The following AGAP1 variants were observed in gnomAD, a reference collection of about 807,000 sequenced individuals.
AGAP1 encodes arf-GAP with GTPase, ANK repeat and PH domain-containing protein 1.
In AGAP1, 29 loss-of-function variants were observed where a neutral mutation model predicts 105.3. The ratio of observed to expected loss-of-function variants is 0.28; its 90% CI spans 0.21 to 0.38. The LOEUF (loss-of-function observed/expected upper bound fraction) is 0.38, where lower values mean the gene tolerates loss of function less well. Ranked by LOEUF, AGAP1 falls within the 10% of genes least tolerant of loss-of-function variation. The pLI is 1.00. For synonymous variants in AGAP1, 509 were observed against 485.9 expected, an observed-to-expected ratio of 1.05 and a Z score of -0.63; for missense variants, 998 against 1,165.1, an observed-to-expected ratio of 0.86 and a Z score of 2.09.
At chr2:235,945,862 G>C (rs1479626465) in intron 12 of AGAP1, among the ~76,000 whole-genome samples, 1 of 150,478 alleles carries the variant, frequency 6.6e-6, no homozygotes, top group African/African-American at 2.5e-5. Context: ...GCAGAAGGCA[G>C]AGGGGGAGCC....
chr2:235,898,340 C>A (rs1339582065), intron 10 of AGAP1, among the ~76,000 whole-genome samples: 1 of 151,554 alleles, frequency 6.6e-6, no homozygotes, highest in East Asian at 1.9e-4. Context: ...TGTTTTGCAT[C>A]TTTTCCAGAC....
rs2049732763 is a variant in AGAP1, at chr2:235,876,481, C to T, written c.1051-6864C>T. Among the ~76,000 whole-genome samples, 3 of 152,234 alleles carry T rather than the reference C, an allele frequency of 2.0e-5. No homozygotes were observed. The South Asian group carries it at 6.2e-4, about 31-fold the overall frequency. ...CTCATGGCTCCTCCCCAGCCACCCT[C>T]CGTCTCCCGGACTTCCTCCTTGAAC... is the stretch of plus-strand genomic sequence containing the variant. On this transcript the variant is annotated intron_variant, in intron 9 of 17. Coordinates refer to ENST00000304032, the MANE Select transcript of AGAP1 (RefSeq NM_001037131.3).
At chr2:236,117,576 T>C (rs998776662) in intron 16 of AGAP1, among the ~76,000 whole-genome samples, 2 of 152,212 alleles carry the variant, frequency 1.3e-5, no homozygotes, top group African/African-American at 2.4e-5. Context: ...GGTTTATCCC[T>C]GGGTGATTTG....
At chr2:235,896,841 G>A (rs1438905320) in intron 10 of AGAP1, among the ~76,000 whole-genome samples, 1 of 152,216 alleles carries the variant, frequency 6.6e-6, no homozygotes. Flanking sequence ...AAACTCACTG[G>A]TGTTACACCA....
intron 1 of AGAP1, among the ~76,000 whole-genome samples, chr2:235,498,486 A>G (rs1244028882): frequency 6.6e-6 from 1 of 152,216 alleles, no homozygotes; most frequent in Non-Finnish European, 1.5e-5. Flanking sequence ...CCTGAGAGCC[A>G]TCTCGCCTCC....
chr2:235,980,331 G>A (rs1014361978), intron 13 of AGAP1, among the ~76,000 whole-genome samples: 1 of 152,264 alleles, frequency 6.6e-6, no homozygotes, highest in Non-Finnish European at 1.5e-5. Context: ...GTGCTTTTTA[G>A]TTGGAATTGA....
intron 11 of AGAP1, among the ~76,000 whole-genome samples, chr2:235,928,988 C>T (rs2052587999): frequency 6.6e-6 from 1 of 152,196 alleles, no homozygotes; most frequent in African/African-American, 2.4e-5. Flanking sequence ...CCAAATGACG[C>T]TGTGTGTTTC....
chr2:235,756,605 AT>A (rs1953946453), intron 6 of AGAP1, among the ~76,000 whole-genome samples: 1 of 151,996 alleles, frequency 6.6e-6, no homozygotes, highest in African/African-American at 2.4e-5. Context: ...TTATGCATGG[AT>A]TGTTTATTTG....
chr2:235,581,860 G>T (rs773893765), intron 1 of AGAP1, among the ~76,000 whole-genome samples: 1 of 152,062 alleles, frequency 6.6e-6, no homozygotes, highest in Non-Finnish European at 1.5e-5. Context: ...CTGCAGTCAC[G>T]GGGACATTCT....
chr2:236,043,806 A>G (rs549693698), intron 15 of AGAP1, among the ~76,000 whole-genome samples: 10 of 152,144 alleles, frequency 6.6e-5, no homozygotes, highest in African/African-American at 1.4e-4. Context: ...GGGTATGACA[A>G]TGAGTCTAGA....
At chr2:236,111,376 C>T (rs2059634102) in intron 16 of AGAP1, among the ~76,000 whole-genome samples, 1 of 151,766 alleles carries the variant, frequency 6.6e-6, no homozygotes, top group South Asian at 2.1e-4. Context: ...ATTATGCAGG[C>T]ATGGTGGCAC....
In AGAP1 at chr2:235,612,008, T is replaced by C. The variant is rs1559288392; in HGVS notation, c.164-97171T>C. On this transcript the variant is annotated intron_variant, in intron 1 of 17. Transcript: ENST00000304032. This position sits in a 1 kb window ranked among gnomAD's most constrained non-coding sequence, Gnocchi z 4.3. ...TCCCTGCTAGGCAGTCCTCCATCAA[T>C]ACTGATGTTAATAATTATGTAAAAT... 6.6e-6 allele frequency among the ~76,000 whole-genome samples: 1 copy of C among 152,200 alleles called. No individual in the cohort carries two copies. The highest frequency in any genetic ancestry group is 1.9e-4 in the East Asian group (1 of 5,186).
rs765449586 is a variant in AGAP1, at chr2:236,040,754, C to T, written c.1804C>T (p.Arg602Trp). ...TTGTGTCTTCCTCCGTGCCCAGTCC[C>T]GGCTGACGAGCCAGAGCGAGGCCAT... ...QSCESSKNKSRLTSQSEAMAL... is the reference protein window; with the variant it reads ...QSCESSKNKSWLTSQSEAMAL... Residue 602 changes from arginine (R) to tryptophan (W), a missense_variant, in exon 15 of 18, where the codon CGG becomes TGG. Arg to Trp is a moderately radical substitution (Grantham distance 101). Transcript: ENST00000304032. This position sits in a 1 kb window ranked among gnomAD's most constrained non-coding sequence, Gnocchi z 5.6. The T allele has an allele frequency of 1.9e-6, 3 of 1,613,078 alleles. No individual in the cohort carries two copies. Among genetic ancestry groups the T allele is most frequent in the South Asian group, 2.2e-5 (2 of 91,042 alleles).
In AGAP1 at chr2:235,701,739, G is replaced by T. The variant is rs1950269624; in HGVS notation, c.164-7440G>T. 6.6e-6 allele frequency among the ~76,000 whole-genome samples: 1 copy of T among 152,056 alleles called. No homozygotes were observed. Among genetic ancestry groups the T allele is most frequent in the South Asian group, 2.1e-4 (1 of 4,828 alleles). ...GATTATGTCTGATCCAGTTTGCAGCGGGCTCTTTTCCGGCTGCGTTGAAAT... is the reference window on the plus strand; with the variant it reads ...GATTATGTCTGATCCAGTTTGCAGCTGGCTCTTTTCCGGCTGCGTTGAAAT... On this transcript the variant is annotated intron_variant, in intron 1 of 17. Transcript: ENST00000304032. This position sits in a 1 kb window ranked among gnomAD's most constrained non-coding sequence, Gnocchi z 4.1.
At chr2:235,499,014 T>C (rs1941445021) in intron 1 of AGAP1, among the ~76,000 whole-genome samples, 1 of 152,212 alleles carries the variant, frequency 6.6e-6, no homozygotes. Context: ...TGAGCATGTG[T>C]GTCCCACAGA....
At chr2:235,648,903 T>C (rs1013779045) in intron 1 of AGAP1, among the ~76,000 whole-genome samples, 8 of 146,380 alleles carry the variant, frequency 5.5e-5, no homozygotes, top group African/African-American at 1.8e-4. Context: ...AAAAAAGTCA[T>C]GTAATTGTGA....
chr2:235,758,739 G>A (rs948568431), intron 6 of AGAP1, among the ~76,000 whole-genome samples: 1 of 152,156 alleles, frequency 6.6e-6, no homozygotes, highest in African/African-American at 2.4e-5. Flanking sequence ...ATGGGGGTTG[G>A]GGGCTGAGCA....
At chr2:235,863,940 C>CT (rs2049039879) in intron 9 of AGAP1, among the ~76,000 whole-genome samples, 1 of 152,174 alleles carries the variant, frequency 6.6e-6, no homozygotes, top group African/African-American at 2.4e-5. Flanking sequence ...CATTCAGGAA[C>CT]TTTCTGTATT....
At chr2:235,564,148 T>C (rs1243156159) in intron 1 of AGAP1, among the ~76,000 whole-genome samples, 1 of 152,196 alleles carries the variant, frequency 6.6e-6, no homozygotes, top group East Asian at 1.9e-4. Context: ...CTTTTAAAAT[T>C]TATTTATGAT....
Sources: allele counts gnomAD v4.1 joint callset (sites outside exome capture counted in the v4.1 genomes callset), GRCh38; gene constraint gnomAD v4.1.1; non-coding constraint Gnocchi (gnomAD v3.1); transcripts MANE v1.5; gene names NCBI Gene and HGNC (gene_info 2026-07-23, HGNC 2026-07-21).